The following PTPRQ variants were observed in gnomAD, a reference collection of about 807,000 sequenced individuals.
The protein encoded by PTPRQ is protein tyrosine phosphatase receptor type Q, also known as phosphatidylinositol phosphatase PTPRQ.
In PTPRQ, 199 loss-of-function variants were observed where a neutral mutation model predicts 246.0. The observed-to-expected ratio is 0.81, with a 90% CI of 0.72 to 0.91. PTPRQ has a LOEUF of 0.91. Among genes scored for constraint, PTPRQ ranks in the 40% least tolerant of loss-of-function variants. The pLI, the probability that PTPRQ is intolerant of heterozygous loss-of-function variation, is 0.00. For missense variants in PTPRQ, 2,624 were observed against 2,528.4 expected (o/e 1.04, Z -0.81); for synonymous variants, 869 against 853.2 (o/e 1.02, Z -0.32).
At chr12:80,532,672 G>A (rs115337469) in intron 17 of PTPRQ, among the ~76,000 whole-genome samples, 3,110 of 152,158 alleles carry the variant, frequency 0.02, 116 homozygotes, top group African/African-American at 0.071. Flanking sequence ...AGTTTTAAAA[G>A]CCCCTCTCCT....
intron 17 of PTPRQ, among the ~76,000 whole-genome samples, chr12:80,514,129 G>A (rs937480792): frequency 6.6e-6 from 1 of 152,024 alleles, no homozygotes; most frequent in Non-Finnish European, 1.5e-5. Flanking sequence ...CCAGTGTGAT[G>A]GCTTTGCCCT....
chr12:80,534,155 G>T lies in PTPRQ; in HGVS notation c.2819G>T (p.Ser940Ile). Residue 940 changes from serine to isoleucine, a missense_variant, in exon 18 of 45, where the codon AGC becomes ATC. By Grantham distance (142) the Ser-to-Ile change is moderately radical. Transcript: ENST00000644991. ...GDGKTRSNII[S>I]FQTPEGAPSD... ...GGGAAAACAAGAAGCAATATCATTA[G>T]CTTTCAAACACCAGAGGGAGGTGAG... 1 of 1,537,370 alleles carries T rather than the reference G, an allele frequency of 6.5e-7. No individual in the cohort carries two copies. The highest frequency in any genetic ancestry group is 1.2e-5 in the South Asian group (1 of 81,106).
At chr12:80,464,188 T>C (rs1465798885) in intron 6 of PTPRQ, among the ~76,000 whole-genome samples, 3 of 147,888 alleles carry the variant, frequency 2.0e-5, no homozygotes, top group Non-Finnish European at 3.0e-5. Flanking sequence ...ACCAAGCAAA[T>C]GGAAAACAAA....
chr12:80,541,949 C>T (rs1353670538), intron 21 of PTPRQ, 104 bp downstream of exon 21: 13 of 1,457,746 alleles, frequency 8.9e-6, no homozygotes, highest in Non-Finnish European at 1.1e-5. Flanking sequence ...TCTGTTTGAT[C>T]TCAAGTAATT....
chr12:80,678,590 T>C lies in PTPRQ; in HGVS notation c.6739-12T>C. The C allele has an allele frequency of 1.3e-6, 2 of 1,540,194 alleles. No homozygotes were observed. Among genetic ancestry groups the C allele is most frequent in the Non-Finnish European group, 1.8e-6 (2 of 1,142,022 alleles). ...AATATATTTGTTTAACCACTCTGTC[T>C]TTGGTGTCTAGGCACAGTATATCTT... On this transcript the variant is annotated splice_polypyrimidine_tract_variant and intron_variant, in intron 43 of 44. Coordinates refer to ENST00000644991, the MANE Select transcript of PTPRQ (RefSeq NM_001145026.2).
intron 3 of PTPRQ, among the ~76,000 whole-genome samples, chr12:80,455,168 C>T (rs947871752): frequency 1.3e-5 from 2 of 150,860 alleles, no homozygotes; most frequent in Admixed American, 6.6e-5. Flanking sequence ...AACAAAACGC[C>T]GCCAAACAAA....
chr12:80,472,647 A>G (rs2120548340), intron 8 of PTPRQ, among the ~76,000 whole-genome samples: 1 of 152,340 alleles, frequency 6.6e-6, no homozygotes, highest in Non-Finnish European at 1.5e-5. Flanking sequence ...AATTCTTTCA[A>G]CAAAATATGT....
chr12:80,619,292 C>T lies in PTPRQ; in HGVS notation c.5231-92C>T, dbSNP rs1898884864. 8.0e-6 allele frequency: 11 copies of T among 1,372,940 alleles called. No homozygotes were observed. The South Asian group carries it at 1.0e-4, about 13-fold the overall frequency. The allele number at this position is 1,372,940 out of a possible 1,614,324, so 85.0% of individuals were successfully genotyped here. A position where few individuals can be genotyped will look rare whatever the true frequency, so the allele number is the denominator to read the frequency against. Reference sequence around the variant, plus strand: ...TTATTTATGTTTGTCATCACTTTATCTGTAAATTAACTGCATGAAAGGAGA... The same window carrying T: ...TTATTTATGTTTGTCATCACTTTATTTGTAAATTAACTGCATGAAAGGAGA... On this transcript the variant is annotated intron_variant, in intron 30 of 44. Coordinates refer to ENST00000644991, the MANE Select transcript of PTPRQ (RefSeq NM_001145026.2).
intron 25 of PTPRQ, among the ~76,000 whole-genome samples, chr12:80,558,660 G>C (rs1896734408): frequency 6.6e-6 from 1 of 152,054 alleles, no homozygotes; most frequent in Non-Finnish European, 1.5e-5. Context: ...GCACATTGCT[G>C]AGTCATATGG....
chr12:80,573,030 G>A (rs932096688), intron 25 of PTPRQ, among the ~76,000 whole-genome samples: 4 of 152,040 alleles, frequency 2.6e-5, no homozygotes, highest in African/African-American at 4.8e-5. Context: ...AGTAGTTGGG[G>A]AATGTTCTTT....
chr12:80,525,835 A>G (rs1895669013), intron 17 of PTPRQ: 1 of 152,092 alleles, frequency 6.6e-6, no homozygotes, highest in African/African-American at 2.4e-5. Context: ...TATTATTATA[A>G]TACGTACTTG....
chr12:80,559,108 A>T (rs1488695455), intron 25 of PTPRQ, among the ~76,000 whole-genome samples: 1 of 152,002 alleles, frequency 6.6e-6, no homozygotes, highest in Non-Finnish European at 1.5e-5. Context: ...GCAGTGGCGC[A>T]ATCTCAGCTC....
chr12:80,658,395 C>G (rs982547436), intron 39 of PTPRQ, among the ~76,000 whole-genome samples: 2 of 152,162 alleles, frequency 1.3e-5, no homozygotes, highest in African/African-American at 4.8e-5. Context: ...TAAAAATTAT[C>G]AAATGGACAG....
At chr12:80,666,103 A>C (rs1282087780) in intron 39 of PTPRQ, among the ~76,000 whole-genome samples, 2 of 152,084 alleles carry the variant, frequency 1.3e-5, no homozygotes, top group African/African-American at 4.8e-5. Flanking sequence ...TCAAAGGCAT[A>C]TCTATGCTTA....
At chr12:80,497,134 C>T (rs781656824) in intron 14 of PTPRQ, among the ~76,000 whole-genome samples, 1 of 151,870 alleles carries the variant, frequency 6.6e-6, no homozygotes, top group East Asian at 1.9e-4. Context: ...GATTCAAGCA[C>T]GTTACGTTTG....
At chr12:80,627,691 A>G (rs1158498172) in intron 33 of PTPRQ, among the ~76,000 whole-genome samples, 1 of 152,100 alleles carries the variant, frequency 6.6e-6, no homozygotes, top group African/African-American at 2.4e-5. Flanking sequence ...ATGTAAACAG[A>G]CCAATTTAAT....
At chr12:80,481,940 G>A (rs1315057334) in intron 8 of PTPRQ, among the ~76,000 whole-genome samples, 3 of 142,264 alleles carry the variant, frequency 2.1e-5, no homozygotes, top group Non-Finnish European at 3.1e-5. Context: ...CGTGAAAATG[G>A]CCATACTGCC....
At chr12:80,554,097 G>A (rs1366690762) in intron 25 of PTPRQ, among the ~76,000 whole-genome samples, 1 of 151,738 alleles carries the variant, frequency 6.6e-6, no homozygotes, top group Admixed American at 6.6e-5. Flanking sequence ...AGGAAAAGCG[G>A]GGATGGTTAA....
chr12:80,540,476 TTA>T (rs1352355855), intron 20 of PTPRQ, among the ~76,000 whole-genome samples: 3 of 152,144 alleles, frequency 2.0e-5, no homozygotes, highest in Non-Finnish European at 4.4e-5. Context: ...TTGATGTTTT[TTA>T]TGTTTCAATT....
Sources: allele counts gnomAD v4.1 joint callset (sites outside exome capture counted in the v4.1 genomes callset), GRCh38; gene constraint gnomAD v4.1.1; transcripts MANE v1.5; gene names NCBI Gene and HGNC (gene_info 2026-07-23, HGNC 2026-07-21).